CALD1: variants seen among roughly 807,000 people sequenced by gnomAD.
CALD1 encodes the protein caldesmon 1.
A neutral mutation model predicts 99.9 loss-of-function variants in CALD1; 33 were observed. The ratio of observed to expected loss-of-function variants is 0.33; its 90% CI spans 0.25 to 0.44. The LOEUF (loss-of-function observed/expected upper bound fraction) is 0.44. Ranked by LOEUF, CALD1 falls within the 20% of genes least tolerant of loss-of-function variation. The probability of loss-of-function intolerance (pLI) is 1.00; values close to 1 mark genes in which losing one functional copy is unlikely to be tolerated. For missense variants in CALD1, 861 were observed against 962.1 expected, an observed-to-expected ratio of 0.89 and a Z score of 1.39; for synonymous variants, 310 against 325.0, an observed-to-expected ratio of 0.95 and a Z score of 0.50.
At chr7:134,748,714 C>CT (rs374697092) in intron 1 of CALD1, among the ~76,000 whole-genome samples, 10 of 22,474 alleles carry the variant, frequency 4.4e-4, no homozygotes, top group South Asian at 2.7e-3. Context: ...TCCATCCCCC[C>CT]GCCCCCCAAA....
At chr7:134,760,074 C>T (rs969130581) in intron 1 of CALD1, among the ~76,000 whole-genome samples, 3 of 152,118 alleles carry the variant, frequency 2.0e-5, no homozygotes, top group African/African-American at 4.8e-5. Flanking sequence ...AGGGCTGGAT[C>T]GCCAGGTGCT....
intron 2 of CALD1, among the ~76,000 whole-genome samples, chr7:134,853,847 A>G (rs1800181137): frequency 6.8e-6 from 1 of 146,816 alleles, no homozygotes; most frequent in African/African-American, 2.5e-5. Context: ...TCCTAATGCC[A>G]TCCCTCCCGT....
At chr7:134,737,773 C>T in the CALD1 span, among the ~76,000 whole-genome samples, 3 of 152,116 alleles carry the variant, frequency 2.0e-5, no homozygotes, top group South Asian at 2.1e-4. Flanking sequence ...TGTGAAACCA[C>T]CTTGCATTCT....
chr7:134,868,566 C>T (rs1166605797), intron 3 of CALD1, among the ~76,000 whole-genome samples: 4 of 152,118 alleles, frequency 2.6e-5, no homozygotes, highest in Admixed American at 2.6e-4. Flanking sequence ...AAAATCAAAT[C>T]GATTTTTTTC....
At chr7:134,865,512 A>T (rs1800766618) in intron 2 of CALD1, among the ~76,000 whole-genome samples, 1 of 152,314 alleles carries the variant, frequency 6.6e-6, no homozygotes, top group East Asian at 1.9e-4. Flanking sequence ...GTGCCCCCAC[A>T]TGTATACTCA....
At chr7:134,809,047 A>G in intron 1 of CALD1, among the ~76,000 whole-genome samples, 1 of 152,188 alleles carries the variant, frequency 6.6e-6, no homozygotes, top group African/African-American at 2.4e-5. Flanking sequence ...CTCATAGAAT[A>G]TCTATATTTA....
In CALD1 at chr7:134,933,506, A is replaced by G; in HGVS notation, c.737A>G (p.Gln246Arg). Residue 246 changes from glutamine to arginine, a missense_variant, in exon 5 of 15, where the codon CAA becomes CGA. This residue lies in a region of CALD1 where 234 missense variants were observed against 233.1 expected (regional missense o/e 1.00). Coordinates refer to ENST00000361675, the MANE Select transcript of CALD1 (RefSeq NM_033138.4). ...EEPKQEEERE[Q>R]GSDEISHHEK... The stretch of plus-strand genomic sequence containing the variant: ...CCTAAACAAGAGGAGGAGAGGGAAC[A>G]AGGTTCAGATGAGATTTCCCATCAT... The G allele has an allele frequency of 6.2e-7, 1 of 1,614,058 alleles. No homozygotes were observed. Among genetic ancestry groups the G allele is most frequent in the Admixed American group, 1.7e-5 (1 of 60,006 alleles).
In CALD1 at chr7:134,924,405, G is replaced by C. The variant is rs369549084; in HGVS notation, c.72-4349G>C. 4.6e-5 allele frequency among the ~76,000 whole-genome samples: 7 copies of C among 152,198 alleles called. No individual in the cohort carries two copies. In the East Asian group the frequency reaches 9.6e-4, roughly 21 times the overall value. The stretch of plus-strand genomic sequence containing the variant: ...TTTCGGAAGAAAAAATAATAAACCT[G>C]TGGTGTTAGTAGGATGGGAAGCTCA... On this transcript the variant is annotated intron_variant, in intron 3 of 14. Transcript: ENST00000361675.
chr7:134,891,688 C>A (rs757352524), intron 3 of CALD1: 5 of 1,550,774 alleles, frequency 3.2e-6, no homozygotes, highest in African/African-American at 1.4e-5. Context: ...GTCCTCATTT[C>A]GTCTCTTTGG....
At chr7:134,913,994 TA>T (rs1478545447) in intron 3 of CALD1, among the ~76,000 whole-genome samples, 2 of 152,206 alleles carry the variant, frequency 1.3e-5, no homozygotes, top group Non-Finnish European at 2.9e-5. Context: ...ATTTTGTAAT[TA>T]CTTTTATGAG....
At chr7:134,747,420 A>G (rs918414567) in intron 1 of CALD1, among the ~76,000 whole-genome samples, 1 of 152,246 alleles carries the variant, frequency 6.6e-6, no homozygotes, top group Non-Finnish European at 1.5e-5. Flanking sequence ...AAGTTCCAGA[A>G]AACAGCAGTA....
intron 9 of CALD1, among the ~76,000 whole-genome samples, chr7:134,951,994 C>T (rs552598074): frequency 3.0e-4 from 45 of 152,226 alleles, no homozygotes; most frequent in African/African-American, 1.0e-3. Flanking sequence ...ATGGACAAAG[C>T]CATGAGAGAA....
intron 2 of CALD1, among the ~76,000 whole-genome samples, chr7:134,862,885 A>G (rs1342064799): frequency 6.6e-6 from 1 of 152,158 alleles, no homozygotes; most frequent in Non-Finnish European, 1.5e-5. Flanking sequence ...CGGAGAGTTG[A>G]AGTTTGAAAT....
At chr7:134,726,646 A>G in the CALD1 span, among the ~76,000 whole-genome samples, 1 of 150,504 alleles carries the variant, frequency 6.6e-6, no homozygotes, top group Admixed American at 6.7e-5. Context: ...CATCACCATA[A>G]AAAAAAAATT....
intron 1 of CALD1, among the ~76,000 whole-genome samples, chr7:134,795,554 G>C (rs769294950): frequency 1.2e-4 from 19 of 152,014 alleles, no homozygotes; most frequent in Non-Finnish European, 2.2e-4. Flanking sequence ...TTTTATGAAC[G>C]GAAATACAGG....
intron 1 of CALD1, among the ~76,000 whole-genome samples, chr7:134,771,327 T>C (rs1297122535): frequency 2.6e-5 from 4 of 152,154 alleles, no homozygotes; most frequent in African/African-American, 9.7e-5. Flanking sequence ...CTAATATGAT[T>C]TCCACCCCTC....
the CALD1 span, among the ~76,000 whole-genome samples, chr7:134,723,343 G>T: frequency 6.6e-6 from 1 of 152,016 alleles, no homozygotes; most frequent in African/African-American, 2.4e-5. Flanking sequence ...GTAGTTTAGG[G>T]TTAGTATGGC....
intron 3 of CALD1, among the ~76,000 whole-genome samples, chr7:134,913,393 TAA>T (rs940317729): frequency 1.3e-5 from 2 of 152,206 alleles, no homozygotes; most frequent in African/African-American, 4.8e-5. Flanking sequence ...CAAAAATAAT[TAA>T]AGTTTTATGA....
intron 1 of CALD1, among the ~76,000 whole-genome samples, chr7:134,754,718 C>T (rs1796712982): frequency 7.0e-6 from 1 of 142,338 alleles, no homozygotes; most frequent in South Asian, 2.5e-4. Flanking sequence ...TTTCATTTCA[C>T]CACATATAGA....
Sources: allele counts gnomAD v4.1 joint callset (sites outside exome capture counted in the v4.1 genomes callset), GRCh38; gene constraint gnomAD v4.1.1; regional missense constraint gnomAD v4.1.1; transcripts MANE v1.5; gene names NCBI Gene and HGNC (gene_info 2026-07-23, HGNC 2026-07-21).